The following KCNIP1 variants were observed in gnomAD, a reference collection of about 807,000 sequenced individuals.
KCNIP1 encodes A-type potassium channel modulatory protein KCNIP1.
KCNIP1 carries 18 observed loss-of-function variants against 33.0 expected under a neutral mutation model. The observed-to-expected ratio is 0.55, with a 90% CI of 0.38 to 0.81. The LOEUF (loss-of-function observed/expected upper bound fraction) is 0.81, where lower values mean the gene tolerates loss of function less well. Ranked by LOEUF, KCNIP1 falls within the 30% of genes least tolerant of loss-of-function variation. The probability of loss-of-function intolerance (pLI) is 0.00; values close to 1 mark genes in which losing one functional copy is unlikely to be tolerated. For synonymous variants in KCNIP1, 93 were observed against 98.3 expected, an observed-to-expected ratio of 0.95 and a Z score of 0.32; for missense variants, 238 against 271.6, an observed-to-expected ratio of 0.88 and a Z score of 0.87.
chr5:170,561,833 G>A (rs1757044241), intron 1 of KCNIP1, among the ~76,000 whole-genome samples: 1 of 152,232 alleles, frequency 6.6e-6, no homozygotes, highest in African/African-American at 2.4e-5. Flanking sequence ...CCCCCACAGA[G>A]TGTACAGATG....
intron 1 of KCNIP1, chr5:170,385,515 C>T: frequency 1.3e-6 from 2 of 1,569,230 alleles, no homozygotes; most frequent in Admixed American, 1.7e-5. Flanking sequence ...GCCCAGTTCA[C>T]AGGTGATCCA....
intron 5 of KCNIP1, among the ~76,000 whole-genome samples, chr5:170,730,107 G>A (rs898038000): frequency 2.6e-5 from 4 of 151,962 alleles, no homozygotes; most frequent in African/African-American, 7.2e-5. Context: ...ATTTTAAATT[G>A]ATAAAGTGGT....
At chr5:170,634,890 A>G (rs1760224569) in intron 1 of KCNIP1, among the ~76,000 whole-genome samples, 1 of 152,236 alleles carries the variant, frequency 6.6e-6, no homozygotes, top group African/African-American at 2.4e-5. Context: ...CCCTTAAATC[A>G]CAAACTAGAT....
chr5:170,659,645 A>G (rs1216284071), intron 1 of KCNIP1, among the ~76,000 whole-genome samples: 1 of 152,146 alleles, frequency 6.6e-6, no homozygotes, highest in Admixed American at 6.5e-5. Flanking sequence ...GAATTTGCAG[A>G]GGCAGTGAGG....
chr5:170,546,985 ATTTG>A (rs1185683256), intron 1 of KCNIP1, among the ~76,000 whole-genome samples: 5 of 152,150 alleles, frequency 3.3e-5, no homozygotes, highest in Non-Finnish European at 7.3e-5. Flanking sequence ...AACATAAAAA[ATTTG>A]TTTGCTCTCA....
chr5:170,521,977 A>G (rs1308221642), intron 1 of KCNIP1, among the ~76,000 whole-genome samples: 1 of 152,230 alleles, frequency 6.6e-6, no homozygotes, highest in African/African-American at 2.4e-5. Flanking sequence ...AAAGGGGAGC[A>G]GAAAATGTGG....
intron 1 of KCNIP1, among the ~76,000 whole-genome samples, chr5:170,478,911 A>T (rs945445715): frequency 8.0e-5 from 8 of 99,478 alleles, no homozygotes; most frequent in Non-Finnish European, 1.4e-4. Context: ...AAGGAAGATA[A>T]AAAAAAAAAA....
chr5:170,693,251 T>G (rs1762781921), intron 1 of KCNIP1, among the ~76,000 whole-genome samples: 1 of 7,844 alleles, frequency 1.3e-4, no homozygotes, highest in Admixed American at 1.5e-3. Context: ...CCAGCCCCCA[T>G]CCCCCCGACA....
At chr5:170,414,306 A>G (rs1268210765) in intron 1 of KCNIP1, among the ~76,000 whole-genome samples, 1 of 152,236 alleles carries the variant, frequency 6.6e-6, no homozygotes, top group South Asian at 2.1e-4. Context: ...CTGCCTCCTT[A>G]CATATTTTAA....
chr5:170,460,066 A>T lies in KCNIP1; in HGVS notation c.88+106102A>T, dbSNP rs1164728165. 2.6e-4 allele frequency among the ~76,000 whole-genome samples: 40 copies of T among 152,228 alleles called. 1 individual carries two copies. The highest frequency in any genetic ancestry group is 2.6e-3 in the Admixed American group (39 of 15,280). On this transcript the variant is annotated intron_variant, in intron 1 of 7. Transcript: ENST00000377360. ...ATTCAAGGCTACTCTGAACACCTTT[A>T]TGTGCATAAACTTGAAAACCTAAAG...
In KCNIP1 at chr5:170,678,072, A is replaced by G. The variant is rs936656821; in HGVS notation, c.62-40686A>G. On this transcript the variant is annotated intron_variant, in intron 1 of 7. Transcript: ENST00000328939. ...TAGGGCAAACATTTCTCATCAAATG[A>G]AGGATGGAACTTCAATAAAGATTTC... Among the ~76,000 whole-genome samples, 13 of 152,250 alleles carry G rather than the reference A, an allele frequency of 8.5e-5. 1 individual carries two copies. The highest frequency in any genetic ancestry group is 1.9e-4 in the Non-Finnish European group (13 of 68,048).
At chr5:170,551,973 AGT>A (rs1434419934) in intron 1 of KCNIP1, among the ~76,000 whole-genome samples, 1 of 149,910 alleles carries the variant, frequency 6.7e-6, no homozygotes, top group Non-Finnish European at 1.5e-5. Flanking sequence ...TATGTGTTTG[AGT>A]GTGTGAGCGT....
intron 1 of KCNIP1, among the ~76,000 whole-genome samples, chr5:170,603,056 G>C (rs1398335046): frequency 1.3e-5 from 2 of 152,248 alleles, no homozygotes; most frequent in African/African-American, 4.8e-5. Context: ...AGCTAAGGCT[G>C]GTGCACACAG....
rs10041032 is a variant in KCNIP1, at chr5:170,590,466, G to A, written c.61+85833G>A. 8.8e-3 allele frequency among the ~76,000 whole-genome samples: 1,346 copies of A among 152,166 alleles called. 20 individuals carry two copies. Among genetic ancestry groups the A allele is most frequent in the African/African-American group, 0.031 (1,281 of 41,520 alleles). On this transcript the variant is annotated intron_variant, in intron 1 of 7. Coordinates refer to ENST00000328939, the MANE Select transcript of KCNIP1 (RefSeq NM_014592.4). ...GGGGATGGCTGACTGAGGCTGACAC[G>A]TTTCTATCCAACCGGTAGAGGATTT...
At chr5:170,627,861 G>T (rs903797207) in intron 1 of KCNIP1, among the ~76,000 whole-genome samples, 7 of 152,210 alleles carry the variant, frequency 4.6e-5, no homozygotes, top group Non-Finnish European at 8.8e-5. Flanking sequence ...GGCTCCCCTT[G>T]ATCCCAAAGC....
chr5:170,432,192 G>A (rs1172115381), intron 1 of KCNIP1, among the ~76,000 whole-genome samples: 2 of 152,118 alleles, frequency 1.3e-5, no homozygotes, highest in Admixed American at 1.3e-4. Flanking sequence ...TTCTGATAAA[G>A]CCTGAGCTCC....
chr5:170,486,569 C>G (rs1757099077), intron 1 of KCNIP1, among the ~76,000 whole-genome samples: 1 of 152,192 alleles, frequency 6.6e-6, no homozygotes, highest in Non-Finnish European at 1.5e-5. Flanking sequence ...TAATGAGTTC[C>G]TGCTGCCAAG....
intron 1 of KCNIP1, among the ~76,000 whole-genome samples, chr5:170,667,903 A>T (rs1761766778): frequency 6.6e-6 from 1 of 152,200 alleles, no homozygotes; most frequent in South Asian, 2.1e-4. Flanking sequence ...ACCCAGAATC[A>T]CTTAAACAAA....
At chr5:170,383,925 T>C in intron 1 of KCNIP1, 1 of 1,499,164 alleles carries the variant, frequency 6.7e-7, no homozygotes, top group South Asian at 1.2e-5. Flanking sequence ...TTGAACCCAT[T>C]ATCCCCTGGG....
Sources: gnomAD v4.1 joint callset for allele counts (sites outside exome capture counted in the v4.1 genomes callset) on GRCh38, gnomAD v4.1.1 for gene constraint, MANE v1.5 for transcripts, NCBI Gene and HGNC (gene_info 2026-07-23, HGNC 2026-07-21) for gene names.